Variants in ATP10B observed in about 807,000 individuals in gnomAD.
ATP10B encodes the protein ATPase phospholipid transporting 10B (putative).
Under a neutral mutation model 141.2 loss-of-function variants are expected in ATP10B, and 122 were observed. That is an observed-to-expected ratio of 0.86 (90% CI 0.75 to 1.00). The LOEUF is 1.00. Ranked by LOEUF, ATP10B falls within the 50% of genes least tolerant of loss-of-function variation. ATP10B has a pLI of 0.00. For synonymous variants in ATP10B, 685 were observed against 692.0 expected, an observed-to-expected ratio of 0.99 and a Z score of 0.16; for missense variants, 1,876 against 1,825.3, an observed-to-expected ratio of 1.03 and a Z score of -0.51.
At chr5:160,783,388 TATATATGTGATGGATATATCTATCCATGG>T (rs1455724006) in intron 2 of ATP10B, among the ~76,000 whole-genome samples, 1 of 141,480 alleles carries the variant, frequency 7.1e-6, no homozygotes, top group African/African-American at 2.6e-5. Context: ...ATCATATATA[TATATATGTGATGGATATATCTATCCATGG>T]ATATATCCAT....
Position 160,694,029 on chromosome 5 carries a change from G to A in ATP10B, c.-204-5086C>T, listed in dbSNP as rs186842408. Among the ~76,000 whole-genome samples, 571 of 152,288 alleles carry A rather than the reference G, an allele frequency of 3.7e-3. 1 individual carries two copies. Among genetic ancestry groups the A allele is most frequent in the African/African-American group, 0.012 (505 of 41,548 alleles). ...TCAGATGGCCTGCTGAGGCTGTTAT[G>A]CTGAGGGCAAGAGAGAGTCTGAAGA... is the stretch of plus-strand genomic sequence containing the variant. On this transcript the variant is annotated intron_variant, in intron 3 of 25. Transcript: ENST00000327245.
chr5:160,897,612 G>T, the ATP10B span, among the ~76,000 whole-genome samples: 6 of 152,258 alleles, frequency 3.9e-5, no homozygotes, highest in African/African-American at 1.4e-4. Flanking sequence ...TGGCCATACT[G>T]CCCAAAGTAG....
At chr5:160,652,955 A>G (rs868076366) in intron 7 of ATP10B, among the ~76,000 whole-genome samples, 4 of 89,794 alleles carry the variant, frequency 4.5e-5, no homozygotes, top group African/African-American at 9.4e-5. Flanking sequence ...ATAATATATT[A>G]TATATACATG....
chr5:160,857,495 G>C, the ATP10B span, among the ~76,000 whole-genome samples: 1 of 151,492 alleles, frequency 6.6e-6, no homozygotes, highest in Non-Finnish European at 1.5e-5. Flanking sequence ...TTGCTTTGTT[G>C]ATTTTCTTGT....
At chr5:160,817,597 C>G (rs1325004841) in intron 1 of ATP10B, among the ~76,000 whole-genome samples, 1 of 152,080 alleles carries the variant, frequency 6.6e-6, no homozygotes, top group Non-Finnish European at 1.5e-5. Flanking sequence ...AGATTTTATG[C>G]CATCCCCATC....
chr5:160,715,569 C>A (rs759181077), intron 3 of ATP10B, among the ~76,000 whole-genome samples: 7 of 151,012 alleles, frequency 4.6e-5, no homozygotes, highest in Non-Finnish European at 8.9e-5. Context: ...AGAAATCACC[C>A]GTCTTCTGCG....
At chr5:160,755,683 C>T (rs1439117867) in intron 2 of ATP10B, among the ~76,000 whole-genome samples, 2 of 148,024 alleles carry the variant, frequency 1.4e-5, no homozygotes, top group Non-Finnish European at 3.0e-5. Flanking sequence ...GGCATAGTGG[C>T]GGGCGCCTGT....
chr5:160,845,005 G>A (rs945455314), intron 1 of ATP10B, among the ~76,000 whole-genome samples: 80 of 149,172 alleles, frequency 5.4e-4, no homozygotes, highest in Non-Finnish European at 4.3e-4. Flanking sequence ...GAATCAGATC[G>A]GATTTGGCCA....
intron 7 of ATP10B, among the ~76,000 whole-genome samples, chr5:160,664,981 C>T (rs569359317): frequency 3.3e-5 from 5 of 152,232 alleles, no homozygotes; most frequent in Non-Finnish European, 5.9e-5. Flanking sequence ...GAAAACTGTA[C>T]GTTTGAATTC....
At chr5:160,907,367 C>A in the ATP10B span, among the ~76,000 whole-genome samples, 4 of 150,650 alleles carry the variant, frequency 2.7e-5, no homozygotes, top group Non-Finnish European at 5.9e-5. Context: ...AAACTCTTTA[C>A]CTGCATTATC....
rs1221210941 is a variant in ATP10B, at chr5:160,652,724, A to C, written c.676-3468T>G. Among the ~76,000 whole-genome samples, 7 of 121,240 alleles carry C rather than the reference A, an allele frequency of 5.8e-5. 1 individual carries two copies. The highest frequency in any genetic ancestry group is 5.0e-4 in the Admixed American group (5 of 9,990). 79.5% of individuals were successfully genotyped at this position (121,240 alleles called of 152,430 possible). A position where few individuals can be genotyped will look rare whatever the true frequency, so the allele number is the denominator to read the frequency against. On this transcript the variant is annotated intron_variant, in intron 7 of 25. Transcript: ENST00000327245. The stretch of plus-strand genomic sequence containing the variant: ...TATATACATATATAATTTATATATA[A>C]TATATACATATATTTATGTACTATA...
intron 7 of ATP10B, among the ~76,000 whole-genome samples, chr5:160,652,363 TC>T (rs1374166652): frequency 6.6e-6 from 1 of 151,844 alleles, no homozygotes; most frequent in Non-Finnish European, 1.5e-5. Context: ...TGTATTTCCC[TC>T]CAGGGCAGCT....
At chr5:160,672,325 T>C (rs1409190255) in intron 6 of ATP10B, among the ~76,000 whole-genome samples, 5 of 152,180 alleles carry the variant, frequency 3.3e-5, no homozygotes, top group Non-Finnish European at 7.3e-5. Flanking sequence ...TCCTTCTGCC[T>C]AACCAAATAT....
chr5:160,565,507 G>A lies in ATP10B; in HGVS notation c.4332C>T (p.Cys1444=), dbSNP rs1332908951. 6.2e-7 allele frequency: 1 copy of A among 1,614,116 alleles called. No individual in the cohort carries two copies. The highest frequency in any genetic ancestry group is 1.1e-5 in the South Asian group (1 of 91,076). ...GATGGCTGCTCCTCTTTGAGCACCG[G>A]CACATATCAGTCTGTCCTCTTGAGT... The part of the protein sequence containing the change: ...MAYSRGQTDM[C]RCSKRSSHRR... Residue 1444 remains cysteine, a synonymous_variant, in exon 26 of 26, where the codon TGC becomes TGT. Coordinates refer to ENST00000327245, the MANE Select transcript of ATP10B (RefSeq NM_025153.3).
chr5:160,884,678 A>G, the ATP10B span, among the ~76,000 whole-genome samples: 6 of 152,290 alleles, frequency 3.9e-5, no homozygotes, highest in South Asian at 2.1e-4. Context: ...GGCAATTGAT[A>G]TAAGTATTCC....
At chr5:160,803,453 A>C (rs1341489374) in intron 1 of ATP10B, among the ~76,000 whole-genome samples, 1 of 152,182 alleles carries the variant, frequency 6.6e-6, no homozygotes, top group African/African-American at 2.4e-5. Flanking sequence ...TGAGGAGGGC[A>C]GATCACAAGG....
chr5:160,818,541 A>C (rs902998824), intron 1 of ATP10B, among the ~76,000 whole-genome samples: 1 of 152,216 alleles, frequency 6.6e-6, no homozygotes, highest in African/African-American at 2.4e-5. Flanking sequence ...ACATTTTTAC[A>C]CTGTTGGTGG....
chr5:160,761,430 C>G (rs1769033498), intron 2 of ATP10B, among the ~76,000 whole-genome samples: 1 of 123,310 alleles, frequency 8.1e-6, no homozygotes, highest in East Asian at 2.5e-4. Flanking sequence ...GCCTACATTC[C>G]CCAGCACCAG....
intron 3 of ATP10B, among the ~76,000 whole-genome samples, chr5:160,697,210 G>T (rs1764419177): frequency 1.3e-5 from 2 of 152,068 alleles, no homozygotes; most frequent in Non-Finnish European, 2.9e-5. Context: ...AGACAAATAT[G>T]CCAGAAAACA....
Sources: allele counts gnomAD v4.1 joint callset (sites outside exome capture counted in the v4.1 genomes callset), GRCh38; gene constraint gnomAD v4.1.1; transcripts MANE v1.5; gene names NCBI Gene and HGNC (gene_info 2026-07-23, HGNC 2026-07-21).